The following PTGER3 variants were observed in gnomAD, a reference collection of about 807,000 sequenced individuals.
PTGER3 encodes prostaglandin E receptor 3.
A neutral mutation model predicts 34.7 loss-of-function variants in PTGER3; 22 were observed. The observed-to-expected ratio is 0.63, with a 90% CI of 0.45 to 0.91. The LOEUF is 0.91. Among genes scored for constraint, PTGER3 ranks in the 40% least tolerant of loss-of-function variants. The probability of loss-of-function intolerance (pLI) is 0.00; values close to 1 mark genes in which losing one functional copy is unlikely to be tolerated. For synonymous variants in PTGER3, 241 were observed against 230.1 expected (o/e 1.05, Z -0.43); for missense variants, 468 against 519.4 (o/e 0.90, Z 0.96).
intron 1 of PTGER3, among the ~76,000 whole-genome samples, chr1:71,018,983 T>C (rs1658164507): frequency 6.6e-6 from 1 of 152,206 alleles, no homozygotes; most frequent in Non-Finnish European, 1.5e-5. Flanking sequence ...AGCATGCTAC[T>C]GCCATTTCCA....
At chr1:70,984,232 C>T (rs1183056786) in intron 2 of PTGER3, among the ~76,000 whole-genome samples, 1 of 151,432 alleles carries the variant, frequency 6.6e-6, no homozygotes, top group Non-Finnish European at 1.5e-5. Flanking sequence ...ACTAAAAATA[C>T]AAAAATTACC....
chr1:70,983,371 G>C (rs1006755157), intron 2 of PTGER3, among the ~76,000 whole-genome samples: 5 of 151,988 alleles, frequency 3.3e-5, no homozygotes, highest in Non-Finnish European at 5.9e-5. Context: ...AGTACCACTT[G>C]ATTATCAGTT....
At chr1:70,922,357 G>A (rs1647616170) in intron 4 of PTGER3, among the ~76,000 whole-genome samples, 1 of 152,164 alleles carries the variant, frequency 6.6e-6, no homozygotes, top group Admixed American at 6.5e-5. Flanking sequence ...TGGTCTGTGT[G>A]AGTCATGAAA....
chr1:71,009,514 G>T, intron 2 of PTGER3: 1 of 983,884 alleles, frequency 1.0e-6, no homozygotes, highest in Admixed American at 6.2e-5. Flanking sequence ...TATTTTATTT[G>T]AAAAGTAAAC....
chr1:70,904,421 C>G (rs763729379), intron 4 of PTGER3, among the ~76,000 whole-genome samples: 1 of 152,100 alleles, frequency 6.6e-6, no homozygotes, highest in Non-Finnish European at 1.5e-5. Flanking sequence ...CTGAAGAAGA[C>G]AGAAAATGTG....
intron 1 of PTGER3, among the ~76,000 whole-genome samples, chr1:71,016,618 CA>C (rs1657923736): frequency 6.6e-6 from 1 of 151,996 alleles, no homozygotes; most frequent in Non-Finnish European, 1.5e-5. Flanking sequence ...GCCTGGGCAA[CA>C]TGGTGAAACC....
chr1:71,024,100 C>T (rs1658668080), intron 1 of PTGER3, among the ~76,000 whole-genome samples: 1 of 152,108 alleles, frequency 6.6e-6, no homozygotes, highest in African/African-American at 2.4e-5. Context: ...TGGTGAGTAC[C>T]TGTTGTGTTC....
intron 4 of PTGER3, among the ~76,000 whole-genome samples, chr1:70,904,888 G>C (rs998653165): frequency 1.1e-4 from 17 of 152,166 alleles, no homozygotes; most frequent in African/African-American, 4.1e-4. Flanking sequence ...TGGGGAAAAT[G>C]TCTCCAAAGC....
At chr1:71,034,764 T>C (rs1008614935) in intron 1 of PTGER3, among the ~76,000 whole-genome samples, 1 of 152,346 alleles carries the variant, frequency 6.6e-6, no homozygotes, top group Admixed American at 6.5e-5. Flanking sequence ...TTCTAAGGCA[T>C]CATGGCATGG....
At chr1:70,911,485 T>A (rs1004889289) in intron 4 of PTGER3, among the ~76,000 whole-genome samples, 1 of 152,076 alleles carries the variant, frequency 6.6e-6, no homozygotes, top group Non-Finnish European at 1.5e-5. Flanking sequence ...TATAGATAGG[T>A]TTTTTGTCTG....
chr1:70,897,938 C>CTA (rs1356873371), intron 4 of PTGER3, among the ~76,000 whole-genome samples: 1 of 152,018 alleles, frequency 6.6e-6, no homozygotes, highest in East Asian at 1.9e-4. Context: ...TGCCAAGGAG[C>CTA]TATACTACTT....
At chr1:70,915,025 A>G (rs540191324) in intron 4 of PTGER3, among the ~76,000 whole-genome samples, 1 of 152,078 alleles carries the variant, frequency 6.6e-6, no homozygotes, top group South Asian at 2.1e-4. Context: ...TAAACAGGAC[A>G]CATACAGTTC....
chr1:71,004,864 C>T (rs997129916), intron 2 of PTGER3, among the ~76,000 whole-genome samples: 2 of 152,200 alleles, frequency 1.3e-5, no homozygotes, highest in African/African-American at 4.8e-5. Context: ...TTTGTGCAGT[C>T]AGACACAAAC....
chr1:71,042,866 G>T (rs1447818872), intron 1 of PTGER3, among the ~76,000 whole-genome samples: 2 of 152,110 alleles, frequency 1.3e-5, no homozygotes, highest in Non-Finnish European at 2.9e-5. Flanking sequence ...GGAATTCAGT[G>T]GTTCAAGATT....
intron 1 of PTGER3, among the ~76,000 whole-genome samples, chr1:71,025,140 C>CCTTCCTTCCTTCCTTCCTTA (rs1658802963): frequency 6.9e-6 from 1 of 145,460 alleles, no homozygotes; most frequent in Non-Finnish European, 1.5e-5. Flanking sequence ...GCCCTTCCTT[C>CCTTCCTTCCTTCCTTCCTTA]CTTCCTTCCT....
chr1:70,869,825 G>A (rs537375738), intron 4 of PTGER3, among the ~76,000 whole-genome samples: 162 of 152,296 alleles, frequency 1.1e-3, no homozygotes, highest in African/African-American at 3.8e-3. Context: ...GCAGGGTTCG[G>A]TCCCTGTGGT....
intron 4 of PTGER3, among the ~76,000 whole-genome samples, chr1:70,938,168 A>G (rs766268267): frequency 1.3e-5 from 2 of 152,184 alleles, no homozygotes; most frequent in Non-Finnish European, 2.9e-5. Context: ...TTCATGCTAT[A>G]GAAATAAAAA....
At chr1:71,013,815 A>G (rs1315841124) in intron 1 of PTGER3, among the ~76,000 whole-genome samples, 1 of 152,142 alleles carries the variant, frequency 6.6e-6, no homozygotes, top group Non-Finnish European at 1.5e-5. Flanking sequence ...ACTGTATATG[A>G]CTGTTTCATA....
chr1:70,948,656 T>C (rs947875096), downstream of PTGER3, among the ~76,000 whole-genome samples: 1 of 152,116 alleles, frequency 6.6e-6, no homozygotes, highest in Non-Finnish European at 1.5e-5. Context: ...GTTTAGCAAG[T>C]GTGTTTGATT....
Sources: allele counts gnomAD v4.1 joint callset (sites outside exome capture counted in the v4.1 genomes callset), GRCh38; gene constraint gnomAD v4.1.1; transcripts MANE v1.5; gene names NCBI Gene and HGNC (gene_info 2026-07-23, HGNC 2026-07-21).